FKBP1A: variants seen among roughly 807,000 people sequenced by gnomAD.
FKBP1A encodes FKBP prolyl isomerase 1A.
Under a neutral mutation model 14.2 loss-of-function variants are expected in FKBP1A, and 5 were observed. The observed-to-expected ratio is 0.35, with a 90% CI of 0.18 to 0.74. FKBP1A has a LOEUF of 0.74. Ranked by LOEUF, FKBP1A falls within the 30% of genes least tolerant of loss-of-function variation. The pLI, the probability that FKBP1A is intolerant of heterozygous loss-of-function variation, is 0.56. For synonymous variants in FKBP1A, 42 were observed against 49.1 expected (o/e 0.86, Z 0.60); for missense variants, 53 against 138.8 (o/e 0.38, Z 3.10).
At chr20:1,392,161 C>T (rs1658930748) in intron 2 of FKBP1A, among the ~76,000 whole-genome samples, 1 of 152,232 alleles carries the variant, frequency 6.6e-6, no homozygotes, top group South Asian at 2.1e-4. Context: ...GTGCAGCTTT[C>T]GGTCAGCCTG....
At chr20:1,380,555 A>G (rs73079672) in intron 2 of FKBP1A, among the ~76,000 whole-genome samples, 17,037 of 152,170 alleles carry the variant, frequency 0.11, 1,141 homozygotes, top group African/African-American at 0.17. Flanking sequence ...GGAAATAATC[A>G]GCCCTAAACT....
At chr20:1,373,419 T>A (rs1366121330) in intron 3 of FKBP1A, among the ~76,000 whole-genome samples, 1 of 152,214 alleles carries the variant, frequency 6.6e-6, no homozygotes, top group Non-Finnish European at 1.5e-5. Flanking sequence ...CAGGCAGGAC[T>A]CCACGCCTGC....
At chr20:1,389,732 C>G (rs1434566369) in intron 2 of FKBP1A, among the ~76,000 whole-genome samples, 1 of 152,196 alleles carries the variant, frequency 6.6e-6, no homozygotes, top group Non-Finnish European at 1.5e-5. Context: ...GGCAGGCACA[C>G]GGCCTGCTGA....
intron 2 of FKBP1A, among the ~76,000 whole-genome samples, chr20:1,375,916 A>G (rs1031808925): frequency 6.6e-6 from 1 of 152,178 alleles, no homozygotes; most frequent in African/African-American, 2.4e-5. Flanking sequence ...TGACTCTCCC[A>G]GCACCCCGTG....
At chr20:1,385,446 T>C (rs1473426059) in intron 2 of FKBP1A, among the ~76,000 whole-genome samples, 1 of 151,978 alleles carries the variant, frequency 6.6e-6, no homozygotes, top group Non-Finnish European at 1.5e-5. Flanking sequence ...GGTAGAAATA[T>C]GCATTTTCTA....
chr20:1,390,296 A>G (rs537216854), intron 2 of FKBP1A, among the ~76,000 whole-genome samples: 9 of 143,752 alleles, frequency 6.3e-5, no homozygotes, highest in Non-Finnish European at 1.2e-4. Context: ...TCAGAATCAC[A>G]GCCAAGAAAT....
At chr20:1,390,040 C>T (rs2089714646) in intron 2 of FKBP1A, among the ~76,000 whole-genome samples, 1 of 152,136 alleles carries the variant, frequency 6.6e-6, no homozygotes, top group South Asian at 2.1e-4. Flanking sequence ...CGGAAGTCAC[C>T]AGAGGGACCC....
chr20:1,378,562 C>T (rs1198654228), intron 2 of FKBP1A: 1 of 151,892 alleles, frequency 6.6e-6, no homozygotes, highest in Non-Finnish European at 1.5e-5. Flanking sequence ...AATGCAGGTT[C>T]GTCAATTGCA....
intron 4 of FKBP1A, chr20:1,370,937 G>C (rs1055302052): frequency 1.0e-6 from 1 of 985,482 alleles, no homozygotes; most frequent in East Asian, 1.1e-4. Context: ...GACAGGTGAA[G>C]AAACCAGTTA....
At chr20:1,370,774 A>G (rs1225218243) in intron 4 of FKBP1A, 1 of 985,210 alleles carries the variant, frequency 1.0e-6, no homozygotes, top group African/African-American at 1.7e-5. Context: ...CCTGTTCCCA[A>G]CCAGGAAAAT....
At position 1,369,547 on chromosome 20, in the gene FKBP1A, C is replaced by G. The variant is rs2089433482; in HGVS notation, c.*562G>C. 6.0e-6 allele frequency: 1 copy of G among 167,552 alleles called. No homozygotes were observed. Among genetic ancestry groups the G allele is most frequent in the Non-Finnish European group, 1.5e-5 (1 of 68,474 alleles). 10.4% of individuals were successfully genotyped at this position (167,552 alleles called of 1,614,324 possible). On this transcript the variant is annotated 3_prime_UTR_variant, in exon 5 of 5. Coordinates refer to ENST00000400137, the MANE Select transcript of FKBP1A (RefSeq NM_000801.5). The stretch of plus-strand genomic sequence containing the variant: ...AGGCAAAGGCTCTCCCCATCCCCAC[C>G]TCAGTTTTAGGTAGGGCTTTTAATT...
intron 2 of FKBP1A, chr20:1,391,587 G>T (rs1454615010): frequency 2.0e-5 from 8 of 398,272 alleles, no homozygotes; most frequent in South Asian, 1.3e-4. Flanking sequence ...GGCATGGGAG[G>T]GGGGATGTTA....
At chr20:1,384,018 C>G (rs1355867912) in intron 2 of FKBP1A, among the ~76,000 whole-genome samples, 1 of 152,108 alleles carries the variant, frequency 6.6e-6, no homozygotes, top group East Asian at 1.9e-4. Context: ...TCTTAACCAC[C>G]TTTTACTCAG....
At chr20:1,380,488 A>G (rs1467809971) in intron 2 of FKBP1A, among the ~76,000 whole-genome samples, 3 of 152,188 alleles carry the variant, frequency 2.0e-5, no homozygotes, top group Admixed American at 6.5e-5. Flanking sequence ...CAAACTGGAG[A>G]AGCTCATGAT....
chr20:1,372,728 A>AAAGGTATAGGAAAGTTTTCT (rs2089485061), intron 3 of FKBP1A, among the ~76,000 whole-genome samples: 4 of 152,168 alleles, frequency 2.6e-5, no homozygotes, highest in African/African-American at 9.7e-5. Context: ...TCTTTTACCC[A>AAAGGTATAGGAAAGTTTTCT]TATAGGAAAA....
At position 1,369,830 on chromosome 20, in the gene FKBP1A, A is replaced by T; in HGVS notation, c.*279T>A. ...CCTATATCCAAAAGACTGAAACTGA[A>T]TCTTCACCCCAAAATGAAAACAAAA... is the stretch of plus-strand genomic sequence containing the variant. On this transcript the variant is annotated 3_prime_UTR_variant, in exon 5 of 5. Coordinates refer to ENST00000400137, the MANE Select transcript of FKBP1A (RefSeq NM_000801.5). 1 of 535,190 alleles carries T rather than the reference A, an allele frequency of 1.9e-6. No homozygotes were observed. The highest frequency in any genetic ancestry group is 3.3e-6 in the Non-Finnish European group (1 of 305,952). The allele number at this position is 535,190 out of a possible 1,614,324, so 33.2% of individuals were successfully genotyped here. A position where few individuals can be genotyped will look rare whatever the true frequency, so the allele number is the denominator to read the frequency against.
chr20:1,381,092 A>T (rs2089612314), intron 2 of FKBP1A, among the ~76,000 whole-genome samples: 1 of 152,252 alleles, frequency 6.6e-6, no homozygotes, highest in Admixed American at 6.5e-5. Flanking sequence ...AGCACTATCT[A>T]TAAAAGAATA....
chr20:1,389,321 A>G (rs1367920139), intron 2 of FKBP1A, among the ~76,000 whole-genome samples: 1 of 152,256 alleles, frequency 6.6e-6, no homozygotes, highest in Non-Finnish European at 1.5e-5. Context: ...CCCAACAGTT[A>G]CAGCCTGTGT....
At chr20:1,390,502 C>A (rs1446257213) in intron 2 of FKBP1A, among the ~76,000 whole-genome samples, 1 of 152,150 alleles carries the variant, frequency 6.6e-6, no homozygotes, top group African/African-American at 2.4e-5. Context: ...AACCAAAAAA[C>A]AGAGATGAGA....
Sources: allele counts gnomAD v4.1 joint callset (sites outside exome capture counted in the v4.1 genomes callset), GRCh38; gene constraint gnomAD v4.1.1; transcripts MANE v1.5; gene names NCBI Gene and HGNC (gene_info 2026-07-23, HGNC 2026-07-21).